The following GRM8 variants were observed in gnomAD, a reference collection of about 807,000 sequenced individuals.
The protein encoded by GRM8 is metabotropic glutamate receptor 8.
Under a neutral mutation model 87.2 loss-of-function variants are expected in GRM8, and 47 were observed. The observed-to-expected ratio is 0.54, with a 90% CI of 0.43 to 0.69. GRM8 has a LOEUF of 0.69. Among genes scored for constraint, GRM8 ranks in the 30% least tolerant of loss-of-function variants. GRM8 has a pLI of 0.00. For missense variants in GRM8, 1,019 were observed against 1,139.2 expected, an observed-to-expected ratio of 0.89 and a Z score of 1.52; for synonymous variants, 396 against 404.5, an observed-to-expected ratio of 0.98 and a Z score of 0.25.
At position 127,076,934 on chromosome 7, in the gene GRM8, G is replaced by C. The variant is rs1656442388; in HGVS notation, c.727+29562C>G. ...GCCAATCAAAGCCATTAATGAGGAAGAAACTAAAGTCCAGAGAGATGGAAT... is the reference window on the plus strand; with the variant it reads ...GCCAATCAAAGCCATTAATGAGGAACAAACTAAAGTCCAGAGAGATGGAAT... On this transcript the variant is annotated intron_variant, in intron 3 of 10. Transcript: ENST00000339582. Among the ~76,000 whole-genome samples, 3 of 152,208 alleles carry C rather than the reference G, an allele frequency of 2.0e-5. No homozygotes were observed. The South Asian group carries it at 6.2e-4, about 32-fold the overall frequency.
Position 126,672,936 on chromosome 7 carries a change from A to C in GRM8, c.1358-63438T>G, listed in dbSNP as rs550808662. 5.9e-5 allele frequency among the ~76,000 whole-genome samples: 9 copies of C among 152,266 alleles called. No homozygotes were observed. In the East Asian group the frequency reaches 1.7e-3, roughly 29 times the overall value. ...AAAACAGTGCCCCCTTATCAGGCGA[A>C]AGCAGTTAAGATAGTTCTTTGTCCC... On this transcript the variant is annotated intron_variant, in intron 7 of 10. Coordinates refer to ENST00000339582, the MANE Select transcript of GRM8 (RefSeq NM_000845.3).
chr7:126,641,629 T>A (rs1301448856), intron 7 of GRM8, among the ~76,000 whole-genome samples: 1 of 152,106 alleles, frequency 6.6e-6, no homozygotes, highest in East Asian at 1.9e-4. Flanking sequence ...AATCCTCACA[T>A]CCCTGACAAG....
intron 3 of GRM8, among the ~76,000 whole-genome samples, chr7:127,102,172 T>A (rs1263002813): frequency 1.3e-5 from 2 of 152,218 alleles, no homozygotes; most frequent in Non-Finnish European, 2.9e-5. Flanking sequence ...TAATAACCTA[T>A]ATCAGATGTG....
chr7:126,485,770 C>T (rs548144053), intron 9 of GRM8, among the ~76,000 whole-genome samples: 1 of 151,928 alleles, frequency 6.6e-6, no homozygotes, highest in South Asian at 2.1e-4. Flanking sequence ...CCAAAGGGAC[C>T]CCAGAGAAAC....
Position 126,626,102 on chromosome 7 carries a change from G to GTGTA in GRM8, c.1358-16605_1358-16604insTACA, listed in dbSNP as rs1491164572. Reference sequence around the variant, plus strand: ...AGTGATGATTACATATATGAGAGAAGTGTGTGTGTGTGTGTGTGTGTGTGT... The same window carrying GTGTA: ...AGTGATGATTACATATATGAGAGAAGTGTATGTGTGTGTGTGTGTGTGTGTGTGT... On this transcript the variant is annotated intron_variant, in intron 7 of 10. Coordinates refer to ENST00000339582, the MANE Select transcript of GRM8 (RefSeq NM_000845.3). Among the ~76,000 whole-genome samples the GTGTA allele has an allele frequency of 7.7e-4, 19 of 24,546 alleles. No homozygotes were observed. In the South Asian group the frequency reaches 9.9e-3, roughly 13 times the overall value. 16.1% of individuals were successfully genotyped at this position (24,546 alleles called of 152,430 possible).
At chr7:126,922,547 G>A (rs901866779) in intron 3 of GRM8, among the ~76,000 whole-genome samples, 3 of 152,148 alleles carry the variant, frequency 2.0e-5, no homozygotes. Flanking sequence ...CACGGGGAGG[G>A]CAGTGGGTTT....
intron 3 of GRM8, among the ~76,000 whole-genome samples, chr7:126,942,029 C>T (rs1807001816): frequency 6.6e-6 from 1 of 152,180 alleles, no homozygotes; most frequent in Admixed American, 6.5e-5. Context: ...AGAGAATTAG[C>T]AAAGCCTGTT....
intron 7 of GRM8, among the ~76,000 whole-genome samples, chr7:126,613,575 G>A (rs1490543789): frequency 3.9e-5 from 6 of 152,178 alleles, no homozygotes; most frequent in Non-Finnish European, 5.9e-5. Context: ...AAAGCAGGGC[G>A]AGGCATCGCC....
chr7:127,010,718 G>A (rs1440773045), intron 3 of GRM8, among the ~76,000 whole-genome samples: 9 of 152,054 alleles, frequency 5.9e-5, no homozygotes, highest in African/African-American at 1.9e-4. Flanking sequence ...AAAAAATTCT[G>A]TAATTCAGAA....
rs1364134696 is a variant in GRM8, at chr7:127,210,659, A to G, written c.510+32036T>C. Among the ~76,000 whole-genome samples the G allele has an allele frequency of 3.9e-5, 6 of 152,328 alleles. No homozygotes were observed. The South Asian group carries it at 6.2e-4, about 16-fold the overall frequency. On this transcript the variant is annotated intron_variant, in intron 2 of 10. Transcript: ENST00000339582. The stretch of plus-strand genomic sequence containing the variant: ...ACCAGTGACTTTCCCTAGTCACACA[A>G]CCAGACCCTCCAGCTTCTAGCCTAA...
chr7:126,551,688 T>A (rs1792606038), intron 8 of GRM8, among the ~76,000 whole-genome samples: 4 of 151,778 alleles, frequency 2.6e-5, no homozygotes, highest in Non-Finnish European at 4.4e-5. Flanking sequence ...ATACGTAATT[T>A]TTTTTTTTAT....
At chr7:126,476,781 GCA>G (rs918903650) in intron 9 of GRM8, among the ~76,000 whole-genome samples, 41 of 151,988 alleles carry the variant, frequency 2.7e-4, no homozygotes, top group African/African-American at 9.9e-4. Flanking sequence ...GGAAAACATT[GCA>G]CACTGTTCAT....
At chr7:127,241,945 T>G (rs1337034371) in intron 2 of GRM8, among the ~76,000 whole-genome samples, 1 of 152,244 alleles carries the variant, frequency 6.6e-6, no homozygotes, top group Admixed American at 6.5e-5. Context: ...TTACTGCACT[T>G]TATACTTTTC....
chr7:127,122,585 C>T lies in GRM8; in HGVS notation c.511-15873G>A, dbSNP rs904231523. 1.1e-4 allele frequency among the ~76,000 whole-genome samples: 8 copies of T among 75,212 alleles called. 1 individual carries two copies. The highest frequency in any genetic ancestry group is 2.8e-4 in the Admixed American group (3 of 10,798). The allele number at this position is 75,212 out of a possible 152,430, so 49.3% of individuals were successfully genotyped here. A position where few individuals can be genotyped will look rare whatever the true frequency, so the allele number is the denominator to read the frequency against. ...AGACATACACATTGCTTTTTGGATG[C>T]CCTTTAATTTTTTTTTAATTCTAAG... On this transcript the variant is annotated intron_variant, in intron 2 of 10. Coordinates refer to ENST00000339582, the MANE Select transcript of GRM8 (RefSeq NM_000845.3).
intron 3 of GRM8, among the ~76,000 whole-genome samples, chr7:126,907,141 A>G (rs1218833486): frequency 2.0e-5 from 3 of 149,876 alleles, no homozygotes; most frequent in African/African-American, 7.6e-5. Context: ...AAGGAGGAAG[A>G]GGAAGAAGGA....
At chr7:126,492,304 G>C (rs1808115886) in intron 9 of GRM8, among the ~76,000 whole-genome samples, 1 of 151,976 alleles carries the variant, frequency 6.6e-6, no homozygotes, top group Non-Finnish European at 1.5e-5. Flanking sequence ...ACCTGCCTCA[G>C]CCTCACAAAT....
intron 3 of GRM8, among the ~76,000 whole-genome samples, chr7:127,019,226 C>G (rs1310218479): frequency 6.6e-6 from 1 of 152,124 alleles, no homozygotes; most frequent in East Asian, 1.9e-4. Context: ...TAAACGTTAT[C>G]TCTTGGAAGC....
intron 8 of GRM8, among the ~76,000 whole-genome samples, chr7:126,550,133 T>C (rs1253432239): frequency 2.6e-5 from 4 of 152,032 alleles, no homozygotes; most frequent in East Asian, 1.9e-4. Context: ...TGTTTTTTTT[T>C]CCGAGACGGT....
chr7:127,169,488 G>C (rs1211652823), intron 2 of GRM8, among the ~76,000 whole-genome samples: 1 of 152,188 alleles, frequency 6.6e-6, no homozygotes, highest in Non-Finnish European at 1.5e-5. Context: ...AGCAGCAAGG[G>C]CTGATGTAGA....
Sources: gnomAD v4.1 joint callset for allele counts (sites outside exome capture counted in the v4.1 genomes callset) on GRCh38, gnomAD v4.1.1 for gene constraint, MANE v1.5 for transcripts, NCBI Gene and HGNC (gene_info 2026-07-23, HGNC 2026-07-21) for gene names.